KLHL1: variants seen among roughly 807,000 people sequenced by gnomAD.
The protein encoded by KLHL1 is kelch like family member 1.
A neutral mutation model predicts 77.7 loss-of-function variants in KLHL1; 47 were observed. The ratio of observed to expected loss-of-function variants is 0.60; its 90% CI spans 0.48 to 0.77. KLHL1 has a LOEUF of 0.77. Among genes scored for constraint, KLHL1 ranks in the 30% least tolerant of loss-of-function variants. The pLI, the probability that KLHL1 is intolerant of heterozygous loss-of-function variation, is 0.00. For missense variants in KLHL1, 925 were observed against 910.8 expected, an observed-to-expected ratio of 1.02 and a Z score of -0.20; for synonymous variants, 360 against 325.2, an observed-to-expected ratio of 1.11 and a Z score of -1.15.
At chr13:70,089,935 C>A (rs1014403723) in intron 1 of KLHL1, among the ~76,000 whole-genome samples, 3 of 151,948 alleles carry the variant, frequency 2.0e-5, no homozygotes, top group African/African-American at 4.8e-5. Flanking sequence ...TTAAAGTAAC[C>A]AAAGCTAGTT....
rs368415362 is a variant in KLHL1 at position 70,052,182 on chromosome 13, C to T, written c.497+55021G>A. 2.8e-4 allele frequency among the ~76,000 whole-genome samples: 42 copies of T among 151,680 alleles called. 1 individual carries two copies. The highest frequency in any genetic ancestry group is 9.7e-4 in the African/African-American group (40 of 41,450). Reference sequence around the variant, plus strand: ...ACAGAAATTGTTTGTTAATCAGAACCGGAATTCAAAATTAATGAAGCCACA... The same window carrying T: ...ACAGAAATTGTTTGTTAATCAGAACTGGAATTCAAAATTAATGAAGCCACA... On this transcript the variant is annotated intron_variant, in intron 1 of 10. Coordinates refer to ENST00000377844, the MANE Select transcript of KLHL1 (RefSeq NM_020866.3).
At chr13:69,822,576 A>G (rs1878380707) in intron 6 of KLHL1, among the ~76,000 whole-genome samples, 1 of 152,148 alleles carries the variant, frequency 6.6e-6, no homozygotes, top group South Asian at 2.1e-4. Context: ...TGGGCATTGC[A>G]ATGGTCTCCA....
chr13:69,700,975 G>C lies in KLHL1; in HGVS notation c.*727C>G, dbSNP rs1875365723. ...ATAATTACACTGCATCTTTGGCTCA[G>C]TGTGTTAAAAAAGCAAAGCAAAATG... On this transcript the variant is annotated 3_prime_UTR_variant, in exon 11 of 11. Transcript: ENST00000377844. 1 of 152,318 alleles carries C rather than the reference G, an allele frequency of 6.6e-6. No homozygotes were observed. The highest frequency in any genetic ancestry group is 6.6e-5 in the Admixed American group (1 of 15,216). 9.4% of individuals were successfully genotyped at this position (152,318 alleles called of 1,614,324 possible). A position where few individuals can be genotyped will look rare whatever the true frequency, so the allele number is the denominator to read the frequency against.
intron 1 of KLHL1, among the ~76,000 whole-genome samples, chr13:70,043,124 C>A (rs1311553063): frequency 6.6e-6 from 1 of 152,064 alleles, no homozygotes; most frequent in Non-Finnish European, 1.5e-5. Flanking sequence ...AGGCTGATCT[C>A]GAACTCCCGA....
intron 10 of KLHL1, among the ~76,000 whole-genome samples, chr13:69,702,136 T>C (rs1875423144): frequency 6.6e-6 from 1 of 151,756 alleles, no homozygotes; most frequent in Admixed American, 6.6e-5. Flanking sequence ...AAATAGCTAT[T>C]ACACTTACTG....
At chr13:70,031,806 G>C (rs892453587) in intron 1 of KLHL1, among the ~76,000 whole-genome samples, 1 of 152,098 alleles carries the variant, frequency 6.6e-6, no homozygotes, top group Non-Finnish European at 1.5e-5. Context: ...ACAAGGAAAT[G>C]CAAAATATAA....
intron 4 of KLHL1, among the ~76,000 whole-genome samples, chr13:69,919,918 C>T (rs1882577465): frequency 6.6e-6 from 1 of 152,006 alleles, no homozygotes; most frequent in African/African-American, 2.4e-5. Flanking sequence ...ATCTTATGGC[C>T]CAGCTGTGTC....
intron 7 of KLHL1, among the ~76,000 whole-genome samples, chr13:69,769,719 C>G (rs1372192192): frequency 6.6e-6 from 1 of 152,120 alleles, no homozygotes; most frequent in Admixed American, 6.6e-5. Flanking sequence ...CCCCCTTTCA[C>G]AGAAAAGAGG....
chr13:69,765,006 C>T (rs1875222418), intron 7 of KLHL1, among the ~76,000 whole-genome samples: 1 of 118,812 alleles, frequency 8.4e-6, no homozygotes, highest in Non-Finnish European at 1.6e-5. Context: ...GGCTGGAGTG[C>T]AGTGGCGCAA....
intron 1 of KLHL1, among the ~76,000 whole-genome samples, chr13:70,091,743 A>C (rs547706155): frequency 2.0e-4 from 30 of 152,278 alleles, no homozygotes; most frequent in African/African-American, 7.2e-4. Context: ...CTGGATTTGA[A>C]ATAATGGCTG....
At chr13:70,103,841 T>C (rs535878727) in intron 1 of KLHL1, among the ~76,000 whole-genome samples, 1 of 152,258 alleles carries the variant, frequency 6.6e-6, no homozygotes, top group East Asian at 1.9e-4. Flanking sequence ...GACTGGACTC[T>C]ATGACATCTA....
At chr13:69,744,309 G>A (rs9564599) in intron 7 of KLHL1, among the ~76,000 whole-genome samples, 31,013 of 151,796 alleles carry the variant, frequency 0.2, 3,265 homozygotes, top group South Asian at 0.29. Flanking sequence ...CTTATCATTG[G>A]CTTTCATATT....
At chr13:70,003,201 A>G (rs1885337648) in intron 1 of KLHL1, among the ~76,000 whole-genome samples, 3 of 151,762 alleles carry the variant, frequency 2.0e-5, no homozygotes, top group South Asian at 4.1e-4. Context: ...AATATTGCAC[A>G]TATTTTAAAG....
In KLHL1 at chr13:69,845,076, C is replaced by T. The variant is rs1879408293; in HGVS notation, c.1228-5914G>A. ...GCCTAACCTTGCTGTGCACACTAAT[C>T]CTAAGCTATTATGATATAAACTGTA... On this transcript the variant is annotated intron_variant, in intron 5 of 10. Transcript: ENST00000377844. 3.3e-5 allele frequency among the ~76,000 whole-genome samples: 5 copies of T among 151,670 alleles called. No individual in the cohort carries two copies. In the Admixed American group the frequency reaches 3.3e-4, roughly 10 times the overall value.
chr13:69,813,665 A>T (rs1156350367), intron 6 of KLHL1, among the ~76,000 whole-genome samples: 2 of 152,270 alleles, frequency 1.3e-5, no homozygotes. Context: ...CCACAAAAAA[A>T]TAAAATACCT....
intron 10 of KLHL1, among the ~76,000 whole-genome samples, chr13:69,702,390 CAG>C (rs1236431339): frequency 6.6e-6 from 1 of 151,570 alleles, no homozygotes; most frequent in Non-Finnish European, 1.5e-5. Context: ...ATAATTTTTA[CAG>C]AGTTTGTAAT....
intron 1 of KLHL1, among the ~76,000 whole-genome samples, chr13:70,081,116 G>A (rs1887381298): frequency 6.6e-6 from 1 of 152,090 alleles, no homozygotes; most frequent in African/African-American, 2.4e-5. Flanking sequence ...GAAGTAGGAG[G>A]ATTTTAAGAT....
chr13:69,732,607 G>C (rs776441299), intron 8 of KLHL1, among the ~76,000 whole-genome samples: 6 of 151,584 alleles, frequency 4.0e-5, no homozygotes, highest in Non-Finnish European at 8.8e-5. Context: ...GGCAGAGACT[G>C]AAAGACTAGA....
At chr13:69,753,777 G>C (rs776560511) in intron 7 of KLHL1, among the ~76,000 whole-genome samples, 3 of 151,976 alleles carry the variant, frequency 2.0e-5, no homozygotes, top group Non-Finnish European at 4.4e-5. Flanking sequence ...ACAGGATTCC[G>C]TGTATACCAA....
Sources: allele counts gnomAD v4.1 joint callset (sites outside exome capture counted in the v4.1 genomes callset), GRCh38; gene constraint gnomAD v4.1.1; transcripts MANE v1.5; gene names NCBI Gene and HGNC (gene_info 2026-07-23, HGNC 2026-07-21).